Variants in PSKH1 observed in about 807,000 individuals in gnomAD.
PSKH1 encodes protein serine kinase H1.
In PSKH1, 12 loss-of-function variants were observed where a neutral mutation model predicts 26.7. That is an observed-to-expected ratio of 0.45 (90% CI 0.29 to 0.73). The LOEUF (loss-of-function observed/expected upper bound fraction) is 0.73. PSKH1 is among the 30% of genes least tolerant of loss of function. The pLI is 0.11. For missense variants in PSKH1, 431 were observed against 595.2 expected, an observed-to-expected ratio of 0.72 and a Z score of 2.87; for synonymous variants, 213 against 234.3, an observed-to-expected ratio of 0.91 and a Z score of 0.83.
rs1010007890 is a variant in PSKH1 at position 67,919,934 on chromosome 16, CA to C, written c.958-7390del. 9.2e-5 allele frequency among the ~76,000 whole-genome samples: 14 copies of C among 152,362 alleles called. No homozygotes were observed. In the East Asian group the frequency reaches 2.1e-3, roughly 23 times the overall value. ...GAAAGCAGCAACTTCCCTGTAGTGG[CA>C]GGAGCAGACCCACCCGCCACGCTGC... On this transcript the variant is annotated intron_variant, in intron 2 of 2. Coordinates refer to ENST00000291041, the MANE Select transcript of PSKH1 (RefSeq NM_006742.3).
chr16:67,919,206 T>A (rs540874466), intron 2 of PSKH1, among the ~76,000 whole-genome samples: 1 of 152,278 alleles, frequency 6.6e-6, no homozygotes, highest in East Asian at 1.9e-4. Context: ...GTTTCCTGGC[T>A]TATGCTTGGA....
chr16:67,912,614 A>G (rs1246174723), intron 2 of PSKH1, among the ~76,000 whole-genome samples: 1 of 152,220 alleles, frequency 6.6e-6, no homozygotes, highest in African/African-American at 2.4e-5. Flanking sequence ...CACGCCTGTA[A>G]TCCCAGCACT....
chr16:67,902,463 A>G (rs1399995336), intron 1 of PSKH1, among the ~76,000 whole-genome samples: 2 of 151,680 alleles, frequency 1.3e-5, no homozygotes, highest in Non-Finnish European at 2.9e-5. Context: ...TCCGGGGCTA[A>G]TTTTTGTATT....
rs1241734475 is a variant in PSKH1, at chr16:67,903,840, CT to C, written c.-70-4820del. 4.8e-3 allele frequency among the ~76,000 whole-genome samples: 607 copies of C among 125,358 alleles called. 2 individuals carry two copies. Among genetic ancestry groups the C allele is most frequent in the South Asian group, 0.011 (43 of 3,852 alleles). The allele number at this position is 125,358 out of a possible 152,430, so 82.2% of individuals were successfully genotyped here. A position where few individuals can be genotyped will look rare whatever the true frequency, so the allele number is the denominator to read the frequency against. On this transcript the variant is annotated intron_variant, in intron 1 of 2. Transcript: ENST00000291041. ...ACTCCACTGCTTGGGGCACTACACTCTTTTTTTTTTTTTTTTTTTTCCTTTT... is the reference window on the plus strand; with the variant it reads ...ACTCCACTGCTTGGGGCACTACACTCTTTTTTTTTTTTTTTTTTTCCTTTT...
intron 2 of PSKH1, among the ~76,000 whole-genome samples, chr16:67,915,551 T>C (rs962727260): frequency 6.6e-6 from 1 of 152,152 alleles, no homozygotes; most frequent in East Asian, 1.9e-4. Flanking sequence ...TTTAATGAGA[T>C]TCCAGGGGAT....
intron 2 of PSKH1, among the ~76,000 whole-genome samples, chr16:67,919,830 C>T (rs1045340584): frequency 7.2e-5 from 11 of 152,232 alleles, no homozygotes; most frequent in African/African-American, 2.4e-4. Context: ...TGTGTCACCT[C>T]TGTGCCACCA....
intron 2 of PSKH1, among the ~76,000 whole-genome samples, chr16:67,924,448 C>T (rs937766263): frequency 2.3e-4 from 35 of 152,208 alleles, no homozygotes; most frequent in African/African-American, 8.0e-4. Flanking sequence ...GATGGAGACA[C>T]TTAAGACCAT....
intron 2 of PSKH1, among the ~76,000 whole-genome samples, chr16:67,911,823 G>A (rs1002174844): frequency 6.6e-6 from 1 of 152,256 alleles, no homozygotes; most frequent in Non-Finnish European, 1.5e-5. Flanking sequence ...TGCTGGGGAG[G>A]GGGCTGGCAT....
intron 2 of PSKH1, among the ~76,000 whole-genome samples, chr16:67,920,983 TAAAA>T (rs72275134): frequency 0.16 from 22,376 of 139,088 alleles, 1,825 homozygotes; most frequent in African/African-American, 0.23. Context: ...GGGAGGAAGT[TAAAA>T]AAAAAAAAAA....
intron 2 of PSKH1, among the ~76,000 whole-genome samples, chr16:67,922,734 A>G (rs1373645712): frequency 2.0e-5 from 3 of 152,210 alleles, no homozygotes; most frequent in Non-Finnish European, 4.4e-5. Flanking sequence ...AGAAGGTAGA[A>G]CTAGAACTCA....
rs151155063 is a variant in PSKH1 at position 67,897,228 on chromosome 16, G to A, written c.-71+3857G>A. Among the ~76,000 whole-genome samples, 835 of 152,296 alleles carry A rather than the reference G, an allele frequency of 5.5e-3. 9 individuals carry two copies. Among genetic ancestry groups the A allele is most frequent in the African/African-American group, 0.019 (800 of 41,572 alleles). On this transcript the variant is annotated intron_variant, in intron 1 of 2. Coordinates refer to ENST00000291041, the MANE Select transcript of PSKH1 (RefSeq NM_006742.3). ...GGAAAAATTTTTGAGAAAAAGTACA[G>A]CTCTGGAAGAAGGGAAGCAGTTCTG...
Position 67,909,647 on chromosome 16 carries a change from G to A in PSKH1, c.898G>A (p.Asp300Asn). 1.2e-6 allele frequency: 2 copies of A among 1,613,848 alleles called. No individual in the cohort carries two copies. Among genetic ancestry groups the A allele is most frequent in the South Asian group, 2.2e-5 (2 of 91,072 alleles). The change falls in exon 2 of 3, where the codon GAC becomes AAC. Residue 300 changes from aspartate (D) to asparagine (N), a missense_variant. By Grantham distance (23) the Asp-to-Asn change is conservative. Transcript: ENST00000291041. This position sits in a 1 kb window ranked among gnomAD's most constrained non-coding sequence, Gnocchi z 7.8. ...LLSGTMPFED[D>N]NRTRLYRQIL... Reference sequence around the variant, plus strand: ...CAGTGGCACCATGCCGTTTGAGGATGACAACCGTACCCGGCTGTACCGGCA... The same window carrying A: ...CAGTGGCACCATGCCGTTTGAGGATAACAACCGTACCCGGCTGTACCGGCA...
chr16:67,927,348 G>A lies in PSKH1; in HGVS notation c.981G>A (p.Leu327=). 6.2e-7 allele frequency: 1 copy of A among 1,612,782 alleles called. No homozygotes were observed. Among genetic ancestry groups the A allele is most frequent in the Non-Finnish European group, 8.5e-7 (1 of 1,179,004 alleles). Residue 327 remains leucine (L), a synonymous_variant, in exon 3 of 3, where the codon CTG becomes CTA. Transcript: ENST00000291041. The surrounding 1 kb of genome is among the most constrained non-coding windows in gnomAD (Gnocchi z 5.5). ...AGCCCTGGCCTAGTGTGTCCAACCT[G>A]GCCAAGGACTTCATTGACCGCCTGC... The part of the protein sequence containing the change: ...SGEPWPSVSN[L]AKDFIDRLLT...
intron 1 of PSKH1, among the ~76,000 whole-genome samples, chr16:67,905,736 G>C (rs1470198980): frequency 6.6e-6 from 1 of 152,114 alleles, no homozygotes; most frequent in Non-Finnish European, 1.5e-5. Context: ...GCAGGTGCCT[G>C]TAATCCCAGC....
intron 2 of PSKH1, among the ~76,000 whole-genome samples, chr16:67,916,767 G>A (rs936286973): frequency 1.3e-5 from 2 of 152,148 alleles, no homozygotes; most frequent in South Asian, 2.1e-4. Flanking sequence ...CATGGCATAT[G>A]TAAGCCACAG....
chr16:67,898,684 C>T (rs1044985391), intron 1 of PSKH1, among the ~76,000 whole-genome samples: 52 of 147,600 alleles, frequency 3.5e-4, no homozygotes, highest in South Asian at 1.3e-3. Context: ...AGTGCAGTGG[C>T]GCGATCTCAG....
intron 2 of PSKH1, among the ~76,000 whole-genome samples, chr16:67,925,968 C>A (rs1400099192): frequency 6.6e-6 from 1 of 152,022 alleles, no homozygotes; most frequent in African/African-American, 2.4e-5. Flanking sequence ...TGGCTGTGCA[C>A]CTGCCCTGAA....
intron 1 of PSKH1, among the ~76,000 whole-genome samples, chr16:67,906,798 C>T (rs1388822964): frequency 1.3e-5 from 2 of 152,142 alleles, no homozygotes; most frequent in African/African-American, 2.4e-5. Context: ...TTGTCCAGGG[C>T]CCCACCAGCC....
In PSKH1 at chr16:67,909,992, T is replaced by G; in HGVS notation, c.957+286T>G. The stretch of plus-strand genomic sequence containing the variant: ...AGGAAGGGAGAAAGTCAGTAGAGTA[T>G]ATTGAGAAATGGACTGCCACTGTGG... On this transcript the variant is annotated intron_variant, in intron 2 of 2. Transcript: ENST00000291041. The surrounding 1 kb of genome is among the most constrained non-coding windows in gnomAD (Gnocchi z 7.8). 1 of 531,458 alleles carries G rather than the reference T, an allele frequency of 1.9e-6. No individual in the cohort carries two copies. Among genetic ancestry groups the G allele is most frequent in the Non-Finnish European group, 3.3e-6 (1 of 299,416 alleles). 32.9% of individuals were successfully genotyped at this position (531,458 alleles called of 1,614,324 possible).
Sources: allele counts gnomAD v4.1 joint callset (sites outside exome capture counted in the v4.1 genomes callset), GRCh38; gene constraint gnomAD v4.1.1; non-coding constraint Gnocchi (gnomAD v3.1); transcripts MANE v1.5; gene names NCBI Gene and HGNC (gene_info 2026-07-23, HGNC 2026-07-21).